SP140: variants seen among roughly 807,000 people sequenced by gnomAD.
SP140 encodes nuclear body protein SP140.
A neutral mutation model predicts 125.0 loss-of-function variants in SP140; 81 were observed. The observed-to-expected ratio is 0.65, with a 90% CI of 0.54 to 0.78. SP140 has a LOEUF of 0.78. Ranked by LOEUF, SP140 falls within the 30% of genes least tolerant of loss-of-function variation. The probability of loss-of-function intolerance (pLI) is 0.00; values close to 1 mark genes in which losing one functional copy is unlikely to be tolerated. For synonymous variants in SP140, 312 were observed against 354.0 expected (o/e 0.88, Z 1.33); for missense variants, 858 against 1,037.0 (o/e 0.83, Z 2.37).
intron 12 of SP140, among the ~76,000 whole-genome samples, chr2:230,258,253 C>A (rs1254848592): frequency 6.6e-6 from 1 of 152,044 alleles, no homozygotes; most frequent in Non-Finnish European, 1.5e-5. Context: ...ACCCTGGAAA[C>A]AAAATCCTAG....
chr2:230,251,121 G>A (rs2050295011), intron 10 of SP140, 60 bp downstream of exon 10: 3 of 1,398,190 alleles, frequency 2.1e-6, no homozygotes, highest in Non-Finnish European at 2.0e-6. Context: ...TGAATTTGGA[G>A]CTTGTGTTTC....
chr2:230,212,828 C>T, intron 1 of SP140: 1 of 1,614,102 alleles, frequency 6.2e-7, no homozygotes, highest in Non-Finnish European at 8.5e-7. Flanking sequence ...GGCTGGGCGA[C>T]TCACTCAGGA....
chr2:230,311,119 A>G (rs564023168), intron 24 of SP140, 35 bp from the exon 25 acceptor site: 3 of 1,609,120 alleles, frequency 1.9e-6, no homozygotes, highest in African/African-American at 2.7e-5. Context: ...ATTCTCTCCA[A>G]GCTGCTTTTC....
chr2:230,312,580 T>C lies in SP140; in HGVS notation c.2506-6T>C. ...AGCATTGTTTTTGTCTTTATTATTT[T>C]TTCAGTACAAGGATTTTGGCCAAAT... On this transcript the variant is annotated splice_region_variant and splice_polypyrimidine_tract_variant and intron_variant, in intron 26 of 26. Coordinates refer to ENST00000392045, the MANE Select transcript of SP140 (RefSeq NM_007237.5). The C allele has an allele frequency of 6.3e-7, 1 of 1,588,486 alleles. No individual in the cohort carries two copies. The highest frequency in any genetic ancestry group is 8.6e-7 in the Non-Finnish European group (1 of 1,159,204).
Position 230,226,762 on chromosome 2 carries a change from C to CAAAAAAAAAAAAAAAAAA in SP140, c.59+861_59+878dup, listed in dbSNP as rs11323886. On this transcript the variant is annotated intron_variant, in intron 1 of 26. Coordinates refer to ENST00000392045, the MANE Select transcript of SP140 (RefSeq NM_007237.5). ...GGGCAACAAGAGTGAAATTCCATCT[C>CAAAAAAAAAAAAAAAAAA]AAAAAAAAAAAAAAAAAAAGACAAG... is the stretch of plus-strand genomic sequence containing the variant. Among the ~76,000 whole-genome samples, 224 of 94,190 alleles carry CAAAAAAAAAAAAAAAAAA rather than the reference C, an allele frequency of 2.4e-3. 2 individuals are homozygous for CAAAAAAAAAAAAAAAAAA. Among genetic ancestry groups the CAAAAAAAAAAAAAAAAAA allele is most frequent in the Middle Eastern group, 6.0e-3 (1 of 168 alleles). 61.8% of individuals were successfully genotyped at this position (94,190 alleles called of 152,430 possible). A position where few individuals can be genotyped will look rare whatever the true frequency, so the allele number is the denominator to read the frequency against.
intron 7 of SP140, among the ~76,000 whole-genome samples, chr2:230,247,673 AT>A (rs1269755749): frequency 2.6e-5 from 4 of 152,078 alleles, no homozygotes; most frequent in African/African-American, 4.8e-5. Context: ...GATTAAATCT[AT>A]TTTTTCCCCC....
At chr2:230,217,672 G>A (rs1346311) in intron 3 of SP140, among the ~76,000 whole-genome samples, 21,659 of 152,108 alleles carry the variant, frequency 0.14, 1,644 homozygotes, top group African/African-American at 0.18. Context: ...ACTTGCCCCA[G>A]GGTTGCACAA....
chr2:230,279,918 A>G (rs2055281500), intron 15 of SP140, among the ~76,000 whole-genome samples: 1 of 151,388 alleles, frequency 6.6e-6, no homozygotes, highest in Admixed American at 6.6e-5. Flanking sequence ...CCACCCCTAA[A>G]CCAAGGTGTT....
At chr2:230,202,448 A>C, upstream of SP140, 1 of 802,122 alleles carries the variant, frequency 1.2e-6, no homozygotes, top group Non-Finnish European at 2.1e-6. Flanking sequence ...CTCTTGTTAT[A>C]CCCCATCCTC....
At chr2:230,198,132 T>TTTGTAGGG (rs752367099), upstream of SP140, among the ~76,000 whole-genome samples, 22,454 of 152,332 alleles carry the variant, frequency 0.15, 2,015 homozygotes, top group South Asian at 0.27. Flanking sequence ...CTGGAAGTCC[T>TTTGTAGGG]CTGTAGGGCC....
chr2:230,242,320 A>AG (rs1293767133), intron 4 of SP140, among the ~76,000 whole-genome samples: 1 of 152,224 alleles, frequency 6.6e-6, no homozygotes, highest in East Asian at 1.9e-4. Flanking sequence ...AGACTGGGAC[A>AG]GTGTAGGTTT....
At chr2:230,300,844 C>T (rs2058220138) in intron 22 of SP140, among the ~76,000 whole-genome samples, 1 of 152,156 alleles carries the variant, frequency 6.6e-6, no homozygotes, top group South Asian at 2.1e-4. Flanking sequence ...GTCAATTATT[C>T]AGCTACTCAA....
chr2:230,303,225 T>C (rs935559711), intron 22 of SP140, among the ~76,000 whole-genome samples: 1 of 152,144 alleles, frequency 6.6e-6, no homozygotes, highest in South Asian at 2.1e-4. Flanking sequence ...AAATGGGAGA[T>C]ATTACAACCA....
At chr2:230,212,978 T>C in intron 1 of SP140, 8 of 1,614,028 alleles carry the variant, frequency 5.0e-6, no homozygotes, top group Non-Finnish European at 6.8e-6. Flanking sequence ...CAGTTGGGGC[T>C]TCAAGTAGGA....
intron 12 of SP140, among the ~76,000 whole-genome samples, chr2:230,257,029 A>G (rs895157897): frequency 6.6e-6 from 1 of 152,182 alleles, no homozygotes; most frequent in African/African-American, 2.4e-5. Flanking sequence ...AGACCCAAGA[A>G]AAAAGAAAGA....
At chr2:230,287,621 T>C (rs1289518515) in intron 17 of SP140, among the ~76,000 whole-genome samples, 1 of 152,224 alleles carries the variant, frequency 6.6e-6, no homozygotes, top group African/African-American at 2.4e-5. Context: ...AAATATGGAA[T>C]GAAGCATTTA....
chr2:230,188,064 T>G, the SP140 span, among the ~76,000 whole-genome samples: 75 of 152,336 alleles, frequency 4.9e-4, no homozygotes, highest in African/African-American at 1.7e-3. Context: ...GCATTCAATC[T>G]GTAGATTGCC....
chr2:230,300,343 T>C (rs1403520521), intron 22 of SP140, among the ~76,000 whole-genome samples: 1 of 152,050 alleles, frequency 6.6e-6, no homozygotes, highest in Admixed American at 6.5e-5. Flanking sequence ...TAACCAACAT[T>C]TGAGAAAACC....
At chr2:230,245,765 G>A in intron 6 of SP140, 98 bp from the exon 7 acceptor site, 6 of 738,842 alleles carry the variant, frequency 8.1e-6, no homozygotes. Flanking sequence ...TTATTCCCAG[G>A]GAGCAGTTCT....
Sources: gnomAD v4.1 joint callset for allele counts (sites outside exome capture counted in the v4.1 genomes callset) on GRCh38, gnomAD v4.1.1 for gene constraint, MANE v1.5 for transcripts, NCBI Gene and HGNC (gene_info 2026-07-23, HGNC 2026-07-21) for gene names.